Variants in ZFAND4 observed in about 807,000 individuals in gnomAD.
The protein encoded by ZFAND4 is AN1-type zinc finger protein 4.
Under a neutral mutation model 64.4 loss-of-function variants are expected in ZFAND4, and 43 were observed. The ratio of observed to expected loss-of-function variants is 0.67; its 90% CI spans 0.52 to 0.86. The LOEUF (loss-of-function observed/expected upper bound fraction) is 0.86, where lower values mean the gene tolerates loss of function less well. Ranked by LOEUF, ZFAND4 falls within the 40% of genes least tolerant of loss-of-function variation. ZFAND4 has a pLI of 0.00. For synonymous variants in ZFAND4, 296 were observed against 305.7 expected (o/e 0.97, Z 0.33); for missense variants, 929 against 859.8 (o/e 1.08, Z -1.01).
intron 2 of ZFAND4, among the ~76,000 whole-genome samples, chr10:45,658,993 C>G (rs1315254067): frequency 6.6e-6 from 1 of 152,130 alleles, no homozygotes; most frequent in Non-Finnish European, 1.5e-5. Flanking sequence ...TAGGCAAACC[C>G]AGAGAGTCAG....
intron 6 of ZFAND4, among the ~76,000 whole-genome samples, chr10:45,637,030 C>T (rs1220675393): frequency 6.6e-6 from 1 of 151,810 alleles, no homozygotes; most frequent in African/African-American, 2.4e-5. Flanking sequence ...AGATCTTTAC[C>T]CCACTTTACG....
At chr10:45,637,340 A>AG (rs562515353) in intron 6 of ZFAND4, among the ~76,000 whole-genome samples, 4,179 of 84,856 alleles carry the variant, frequency 0.049, 76 homozygotes, top group Non-Finnish European at 0.073. Context: ...ACTCCGTCTC[A>AG]AAAAAAAAAA....
chr10:45,640,981 T>C (rs1009812141), intron 5 of ZFAND4, among the ~76,000 whole-genome samples: 1 of 152,194 alleles, frequency 6.6e-6, no homozygotes, highest in Non-Finnish European at 1.5e-5. Flanking sequence ...ATGTAATTAA[T>C]ATTTGGAGCC....
chr10:45,626,957 G>A lies in ZFAND4; in HGVS notation c.866C>T (p.Pro289Leu). The A allele has an allele frequency of 6.2e-7, 1 of 1,614,194 alleles. No homozygotes were observed. Among genetic ancestry groups the A allele is most frequent in the East Asian group, 2.2e-5 (1 of 44,888 alleles). Residue 289 changes from proline to leucine, a missense_variant, in exon 7 of 10, where the codon CCC becomes CTC. Pro to Leu is a moderately conservative substitution (Grantham distance 98, BLOSUM62 -3). Transcript: ENST00000344646. ...CSPAFGNAYP[P>L]EISRNGISSL... is the part of the protein sequence containing the mutation. The stretch of plus-strand genomic sequence containing the variant: ...TGAAATTCCATTCCTGGAGATTTCG[G>A]GCGGATATGCATTCCCAAAAGCAGG...
At chr10:45,659,360 C>T (rs1197977895) in intron 2 of ZFAND4, among the ~76,000 whole-genome samples, 1 of 152,130 alleles carries the variant, frequency 6.6e-6, no homozygotes, top group Non-Finnish European at 1.5e-5. Flanking sequence ...TTGTAAGACG[C>T]AAACTCTAAG....
At chr10:45,661,212 C>T (rs1209690271) in intron 2 of ZFAND4, among the ~76,000 whole-genome samples, 1 of 152,146 alleles carries the variant, frequency 6.6e-6, no homozygotes, top group East Asian at 1.9e-4. Flanking sequence ...ATTATTCTTC[C>T]TATCTTAGAC....
rs747799695 is a variant in ZFAND4, at chr10:45,625,992, T to C, written c.1831A>G (p.Arg611Gly). ...NLQHFQEENF[R>G]KSSPQLEHTG... ...TGTTCTAACTGGGGAGAACTTTTCC[T>C]AAAGTTTTCTTCCTGAAAATGCTGG... Residue 611 changes from arginine (R) to glycine (G), a missense_variant, in exon 7 of 10, where the codon AGG (arginine) becomes GGG (glycine). By Grantham distance (125) the Arg-to-Gly change is moderately radical. Coordinates refer to ENST00000344646, the MANE Select transcript of ZFAND4 (RefSeq NM_174890.4). 6.2e-7 allele frequency: 1 copy of C among 1,614,060 alleles called. No homozygotes were observed. Among genetic ancestry groups the C allele is most frequent in the African/African-American group, 1.3e-5 (1 of 74,910 alleles).
At chr10:45,655,957 C>G (rs528581537) in intron 2 of ZFAND4, among the ~76,000 whole-genome samples, 3 of 152,202 alleles carry the variant, frequency 2.0e-5, no homozygotes, top group Non-Finnish European at 4.4e-5. Context: ...ACTGGCCGGG[C>G]GCAGTGGCTC....
Position 45,626,189 on chromosome 10 carries a change from T to A in ZFAND4, c.1634A>T (p.Glu545Val), listed in dbSNP as rs777462832. 2 of 1,614,184 alleles carry A rather than the reference T, an allele frequency of 1.2e-6. No individual in the cohort carries two copies. Among genetic ancestry groups the A allele is most frequent in the East Asian group, 4.5e-5 (2 of 44,882 alleles). The change falls in exon 7 of 10, where the codon GAG becomes GTG. Residue 545 changes from glutamate (E) to valine (V), a missense_variant. Physicochemically the swap from Glu to Val is moderately radical, Grantham distance 121. Transcript: ENST00000344646. ...GKRSDVISKV[E>V]ARDITEMTNK... The stretch of plus-strand genomic sequence containing the variant: ...AGTCATTTCTGTGATATCCCGAGCC[T>A]CAACTTTGGAAATAACATCAGATCT...
Position 45,628,959 on chromosome 10 carries a change from G to A in ZFAND4, c.718-1854C>T, listed in dbSNP as rs972995614. On this transcript the variant is annotated intron_variant, in intron 6 of 9. Coordinates refer to ENST00000344646, the MANE Select transcript of ZFAND4 (RefSeq NM_174890.4). ...AAAGAAAAGGAGAGGTTTGCTGATG[G>A]AACAAAGAAAAATCCACAAAAGACA... 8.0e-5 allele frequency among the ~76,000 whole-genome samples: 12 copies of A among 149,334 alleles called. 1 individual carries two copies. The South Asian group carries it at 1.7e-3, about 21-fold the overall frequency.
intron 3 of ZFAND4, among the ~76,000 whole-genome samples, chr10:45,652,570 A>G (rs538263077): frequency 6.6e-6 from 1 of 152,340 alleles, no homozygotes; most frequent in Admixed American, 6.5e-5. Flanking sequence ...AGCATTGCTT[A>G]GTAACAAAAG....
At chr10:45,633,077 A>C (rs1156966784) in intron 6 of ZFAND4, among the ~76,000 whole-genome samples, 1 of 152,164 alleles carries the variant, frequency 6.6e-6, no homozygotes, top group Non-Finnish European at 1.5e-5. Context: ...ATATGTTATT[A>C]ATATTTATGT....
intron 4 of ZFAND4, chr10:45,651,199 T>C (rs574336164): frequency 6.1e-6 from 1 of 163,018 alleles, no homozygotes; most frequent in South Asian, 1.6e-4. Context: ...TGGGAATTCA[T>C]GTGACATACC....
intron 5 of ZFAND4, 46 bp from the exon 6 acceptor site, chr10:45,640,009 C>A: frequency 6.4e-7 from 1 of 1,565,172 alleles, no homozygotes; most frequent in Non-Finnish European, 8.6e-7. Flanking sequence ...GATACCTGCT[C>A]AGTGACTAAA....
At chr10:45,618,586 T>C (rs1472058252) in intron 8 of ZFAND4, among the ~76,000 whole-genome samples, 1 of 152,234 alleles carries the variant, frequency 6.6e-6, no homozygotes, top group African/African-American at 2.4e-5. Flanking sequence ...GAAAAATGTC[T>C]GCTTCAAAAT....
In ZFAND4 at chr10:45,660,160, CAAAAAAA is replaced by C. The variant is rs59673620; in HGVS notation, c.184+3375_184+3381del. ...ATGGGCGACAGAGCGAGACGCATCT[CAAAAAAA>C]AAAAAAAAAAAGAAAAATGGCAACA... On this transcript the variant is annotated intron_variant, in intron 2 of 9. Transcript: ENST00000344646. 8.2e-3 allele frequency among the ~76,000 whole-genome samples: 759 copies of C among 92,552 alleles called. 9 individuals are homozygous for C. Among genetic ancestry groups the C allele is most frequent in the African/African-American group, 0.03 (708 of 23,906 alleles). The allele number at this position is 92,552 out of a possible 152,430, so 60.7% of individuals were successfully genotyped here. A position where few individuals can be genotyped will look rare whatever the true frequency, so the allele number is the denominator to read the frequency against.
At chr10:45,618,476 G>C (rs1188756519) in intron 8 of ZFAND4, among the ~76,000 whole-genome samples, 1 of 152,094 alleles carries the variant, frequency 6.6e-6, no homozygotes, top group Non-Finnish European at 1.5e-5. Flanking sequence ...CTACTGATTA[G>C]CACTTATATT....
chr10:45,626,959 C>G lies in ZFAND4; in HGVS notation c.864G>C (p.Pro288=). 6.2e-7 allele frequency: 1 copy of G among 1,614,052 alleles called. No individual in the cohort carries two copies. Among genetic ancestry groups the G allele is most frequent in the Admixed American group, 1.7e-5 (1 of 60,004 alleles). ...SCSPAFGNAY[P]PEISRNGISS... is the part of the protein sequence containing the mutation. ...AAATTCCATTCCTGGAGATTTCGGG[C>G]GGATATGCATTCCCAAAAGCAGGTG... The change falls in exon 7 of 10, where the codon CCG becomes CCC. Residue 288 remains proline, a synonymous_variant. Coordinates refer to ENST00000344646, the MANE Select transcript of ZFAND4 (RefSeq NM_174890.4).
At chr10:45,644,532 T>A (rs942534797) in intron 5 of ZFAND4, among the ~76,000 whole-genome samples, 1 of 152,178 alleles carries the variant, frequency 6.6e-6, no homozygotes, top group African/African-American at 2.4e-5. Context: ...TTATATCTGC[T>A]AGCCAAGCAA....
Sources: allele counts gnomAD v4.1 joint callset (sites outside exome capture counted in the v4.1 genomes callset), GRCh38; gene constraint gnomAD v4.1.1; transcripts MANE v1.5; gene names NCBI Gene and HGNC (gene_info 2026-07-23, HGNC 2026-07-21).